LRP11: variants seen among roughly 807,000 people sequenced by gnomAD.
LRP11 encodes LDL receptor related protein 11.
A neutral mutation model predicts 43.1 loss-of-function variants in LRP11; 25 were observed. The ratio of observed to expected loss-of-function variants is 0.58; its 90% CI spans 0.42 to 0.81. LRP11 has a LOEUF of 0.81. Among genes scored for constraint, LRP11 ranks in the 30% least tolerant of loss-of-function variants. LRP11 has a pLI of 0.00. For synonymous variants in LRP11, 316 were observed against 299.4 expected, an observed-to-expected ratio of 1.06 and a Z score of -0.57; for missense variants, 623 against 665.1, an observed-to-expected ratio of 0.94 and a Z score of 0.70.
At chr6:149,855,388 T>C (rs1469060953) in intron 1 of LRP11, among the ~76,000 whole-genome samples, 1 of 152,144 alleles carries the variant, frequency 6.6e-6, no homozygotes, top group Non-Finnish European at 1.5e-5. Flanking sequence ...TTAGACTGAA[T>C]GAAACACTCC....
chr6:149,864,031 G>A lies in LRP11; in HGVS notation c.-11C>T. The A allele has an allele frequency of 2.3e-6, 3 of 1,320,068 alleles. No homozygotes were observed. Among genetic ancestry groups the A allele is most frequent in the Middle Eastern group, 2.9e-4 (1 of 3,504 alleles). 81.8% of individuals were successfully genotyped at this position (1,320,068 alleles called of 1,614,324 possible). Reference sequence around the variant, plus strand: ...GGCGACGGAGGCCATGGCGACGAGAGCCAAGGGCAGCGAGCCGAGGCGGGG... The same window carrying A: ...GGCGACGGAGGCCATGGCGACGAGAACCAAGGGCAGCGAGCCGAGGCGGGG... On this transcript the variant is annotated 5_prime_UTR_variant, in exon 1 of 7. Transcript: ENST00000239367.
chr6:149,824,842 A>AGAGT (rs1444182480), intron 6 of LRP11, among the ~76,000 whole-genome samples: 4 of 152,242 alleles, frequency 2.6e-5, no homozygotes, highest in African/African-American at 9.6e-5. Context: ...CCTGGACAAC[A>AGAGT]GAGTGAGACT....
At position 149,853,019 on chromosome 6, in the gene LRP11, G is replaced by T. The variant is rs747785002; in HGVS notation, c.755C>A (p.Pro252Gln). 1 of 1,599,364 alleles carries T rather than the reference G, an allele frequency of 6.3e-7. No homozygotes were observed. The highest frequency in any genetic ancestry group is 1.1e-5 in the South Asian group (1 of 88,394). The change falls in exon 2 of 7, where the codon CCG (proline) becomes CAG (glutamine). Residue 252 changes from proline (P) to glutamine (Q), a missense_variant. By Grantham distance (76) the Pro-to-Gln change is moderately conservative. Coordinates refer to ENST00000239367, the MANE Select transcript of LRP11 (RefSeq NM_032832.6). ...QYEWALLQGD[P>Q]SVDMKVPQSG... ...ATGCGTTACCTTCATGTCCACTGAC[G>T]GGTCCCCCTGCAGCAGTGCCCACTC...
rs1776465862 is a variant in LRP11 at position 149,835,990 on chromosome 6, C to T, written c.1252+95G>A. The T allele has an allele frequency of 2.4e-5, 27 of 1,141,576 alleles. No homozygotes were observed. The East Asian group carries it at 6.4e-4, about 27-fold the overall frequency. The allele number at this position is 1,141,576 out of a possible 1,614,324, so 70.7% of individuals were successfully genotyped here. A position where few individuals can be genotyped will look rare whatever the true frequency, so the allele number is the denominator to read the frequency against. On this transcript the variant is annotated intron_variant, in intron 5 of 6. Transcript: ENST00000239367. Reference sequence around the variant, plus strand: ...TAATTTTAACTCTTATTTCAAGATACTTCCTTAACACTCTTCAAACATAAA... The same window carrying T: ...TAATTTTAACTCTTATTTCAAGATATTTCCTTAACACTCTTCAAACATAAA...
At chr6:149,850,429 T>C (rs988782077) in intron 2 of LRP11, among the ~76,000 whole-genome samples, 2 of 152,172 alleles carry the variant, frequency 1.3e-5, no homozygotes, top group African/African-American at 4.8e-5. Flanking sequence ...ATTCTCAAAA[T>C]AGTAAAGCTA....
intron 5 of LRP11, among the ~76,000 whole-genome samples, chr6:149,832,688 T>G (rs1384964850): frequency 6.6e-6 from 1 of 151,026 alleles, no homozygotes; most frequent in Non-Finnish European, 1.5e-5. Context: ...TGGCGCAATC[T>G]CAGCTCACTG....
intron 2 of LRP11, among the ~76,000 whole-genome samples, chr6:149,847,858 CACACACACACACACACACACAT>C (rs1230268037): frequency 0.011 from 1,561 of 147,688 alleles, 24 homozygotes; most frequent in African/African-American, 0.038. Flanking sequence ...CACACACACA[CACACACACACACACACACACAT>C]TGTATATACT....
At chr6:149,831,837 A>G (rs1562437918) in intron 5 of LRP11, among the ~76,000 whole-genome samples, 1 of 152,066 alleles carries the variant, frequency 6.6e-6, no homozygotes, top group Non-Finnish European at 1.5e-5. Context: ...TGATTTCTGT[A>G]GTTTTTGTAG....
At chr6:149,844,365 C>T (rs181746102) in intron 2 of LRP11, among the ~76,000 whole-genome samples, 28 of 152,268 alleles carry the variant, frequency 1.8e-4, no homozygotes, top group African/African-American at 2.4e-5. Flanking sequence ...TATCCAAGTT[C>T]CCCCAGTCAT....
In LRP11 at chr6:149,863,937, G is replaced by T; in HGVS notation, c.84C>A (p.Leu28=). The change falls in exon 1 of 7, where the codon CTC becomes CTA. Residue 28 remains leucine, a synonymous_variant. Coordinates refer to ENST00000239367, the MANE Select transcript of LRP11 (RefSeq NM_032832.6). ...RHGALRGLLL[L]CLWLPSGRAA... ...CACGGCCGCTTGGCAGCCACAGGCA[G>T]AGCAGTAGCAGCCCGCGCAGCGCCC... The T allele has an allele frequency of 1.4e-6, 2 of 1,467,346 alleles. No homozygotes were observed. 90.9% of individuals were successfully genotyped at this position (1,467,346 alleles called of 1,614,324 possible). A position where few individuals can be genotyped will look rare whatever the true frequency, so the allele number is the denominator to read the frequency against.
intron 1 of LRP11, among the ~76,000 whole-genome samples, chr6:149,859,396 A>ATATATATATATATATATATATATATTT: frequency 7.0e-5 from 5 of 71,486 alleles, no homozygotes; most frequent in Admixed American, 1.7e-4. Flanking sequence ...ATATATATAT[A>ATATATATATATATATATATATATATTT]TTTTTTTTTT....
At chr6:149,829,017 A>G (rs1302093281) in intron 5 of LRP11, among the ~76,000 whole-genome samples, 3 of 152,170 alleles carry the variant, frequency 2.0e-5, no homozygotes, top group Non-Finnish European at 2.9e-5. Context: ...AGTGATATGC[A>G]AAACAGTCCA....
At chr6:149,828,239 T>C (rs910836925) in intron 5 of LRP11, among the ~76,000 whole-genome samples, 3 of 151,948 alleles carry the variant, frequency 2.0e-5, no homozygotes, top group African/African-American at 7.2e-5. Context: ...TAGGAAGCTA[T>C]ACTAGAAGTA....
At chr6:149,857,715 C>T (rs1466060614) in intron 1 of LRP11, among the ~76,000 whole-genome samples, 4 of 152,138 alleles carry the variant, frequency 2.6e-5, no homozygotes, top group African/African-American at 9.7e-5. Context: ...GGCAGCACCC[C>T]GTTGGCAGTA....
At chr6:149,861,841 A>T (rs1776904781) in intron 1 of LRP11, among the ~76,000 whole-genome samples, 1 of 152,156 alleles carries the variant, frequency 6.6e-6, no homozygotes, top group Admixed American at 6.5e-5. Context: ...CTAAACTTTA[A>T]AATTTTTGTT....
At chr6:149,846,704 G>C (rs978466861) in intron 2 of LRP11, among the ~76,000 whole-genome samples, 4 of 152,118 alleles carry the variant, frequency 2.6e-5, no homozygotes, top group African/African-American at 9.7e-5. Context: ...TTGGGAGGCT[G>C]AGGTGGGTGG....
At chr6:149,821,238 C>G (rs1248075298) in intron 6 of LRP11, among the ~76,000 whole-genome samples, 1 of 152,048 alleles carries the variant, frequency 6.6e-6, no homozygotes, top group Non-Finnish European at 1.5e-5. Flanking sequence ...CAACACAGAC[C>G]TCTTTAAAAC....
At chr6:149,835,139 G>C (rs1335234541) in intron 5 of LRP11, among the ~76,000 whole-genome samples, 1 of 152,180 alleles carries the variant, frequency 6.6e-6, no homozygotes, top group Admixed American at 6.5e-5. Flanking sequence ...ATGGAATCCT[G>C]TAATACTTAT....
intron 6 of LRP11, among the ~76,000 whole-genome samples, chr6:149,821,626 G>C (rs1230157460): frequency 6.6e-6 from 1 of 152,210 alleles, no homozygotes; most frequent in Non-Finnish European, 1.5e-5. Context: ...AGGCTTGCAG[G>C]AGTCTGGAAG....
Sources: allele counts gnomAD v4.1 joint callset (sites outside exome capture counted in the v4.1 genomes callset), GRCh38; gene constraint gnomAD v4.1.1; transcripts MANE v1.5; gene names NCBI Gene and HGNC (gene_info 2026-07-23, HGNC 2026-07-21).